DLG2: variants seen among roughly 807,000 people sequenced by gnomAD.
DLG2 encodes discs large MAGUK scaffold protein 2.
DLG2 carries 45 observed loss-of-function variants against 132.5 expected under a neutral mutation model. That is an observed-to-expected ratio of 0.34 (90% CI 0.27 to 0.44). The LOEUF (loss-of-function observed/expected upper bound fraction) is 0.44. DLG2 is among the 20% of genes least tolerant of loss of function. The pLI, the probability that DLG2 is intolerant of heterozygous loss-of-function variation, is 1.00. For missense variants in DLG2, 1,045 were observed against 1,196.9 expected (o/e 0.87, Z 1.87); for synonymous variants, 424 against 419.6 (o/e 1.01, Z -0.13).
intron 2 of DLG2, among the ~76,000 whole-genome samples, chr11:85,617,231 G>A (rs1398321151): frequency 6.6e-6 from 1 of 152,156 alleles, no homozygotes. Context: ...CCATGTCACT[G>A]CTATCGATGA....
At chr11:84,187,482 C>T (rs554147363) in intron 8 of DLG2, among the ~76,000 whole-genome samples, 1 of 152,148 alleles carries the variant, frequency 6.6e-6, no homozygotes, top group African/African-American at 2.4e-5. Context: ...TCCCCCTTTT[C>T]TGAGTTAGAA....
At chr11:84,733,249 A>T (rs1401314698) in intron 6 of DLG2, among the ~76,000 whole-genome samples, 4 of 152,014 alleles carry the variant, frequency 2.6e-5, no homozygotes, top group African/African-American at 4.8e-5. Context: ...TAGTTTACAG[A>T]CCCACCAACA....
chr11:83,624,307 G>T (rs1305362931), intron 19 of DLG2, among the ~76,000 whole-genome samples: 1 of 152,102 alleles, frequency 6.6e-6, no homozygotes, highest in African/African-American at 2.4e-5. Flanking sequence ...TCTTCCTACA[G>T]AAATATAAAA....
At chr11:85,462,708 G>A (rs747914064) in intron 3 of DLG2, among the ~76,000 whole-genome samples, 1 of 151,952 alleles carries the variant, frequency 6.6e-6, no homozygotes, top group Admixed American at 6.6e-5. Flanking sequence ...GTTAAATGAC[G>A]AGTTGATGGG....
At chr11:85,558,484 T>A (rs1376382140) in intron 3 of DLG2, among the ~76,000 whole-genome samples, 1 of 151,874 alleles carries the variant, frequency 6.6e-6, no homozygotes, top group Non-Finnish European at 1.5e-5. Flanking sequence ...AAAAGATACC[T>A]GCACTCACAT....
At chr11:83,784,675 G>A (rs944694657) in intron 18 of DLG2, among the ~76,000 whole-genome samples, 1 of 152,066 alleles carries the variant, frequency 6.6e-6, no homozygotes, top group Non-Finnish European at 1.5e-5. Context: ...ATGTAAGGAA[G>A]CTCCAGTAGA....
intron 16 of DLG2, among the ~76,000 whole-genome samples, chr11:83,863,846 G>C (rs1198472459): frequency 6.6e-6 from 1 of 152,110 alleles, no homozygotes; most frequent in African/African-American, 2.4e-5. Flanking sequence ...GCTATACCAA[G>C]GAGAGAGACT....
intron 18 of DLG2, among the ~76,000 whole-genome samples, chr11:83,757,841 G>A (rs576214797): frequency 6.6e-6 from 1 of 151,940 alleles, no homozygotes; most frequent in African/African-American, 2.4e-5. Flanking sequence ...TCCTACTTTT[G>A]TATTTCCCTT....
At chr11:83,489,963 A>AACTT (rs766186069) in intron 21 of DLG2, among the ~76,000 whole-genome samples, 11 of 151,954 alleles carry the variant, frequency 7.2e-5, no homozygotes, top group Non-Finnish European at 1.2e-4. Context: ...ATGAGATATA[A>AACTT]ACTTAGGATT....
intron 7 of DLG2, among the ~76,000 whole-genome samples, chr11:84,306,226 G>A (rs2098216342): frequency 6.6e-6 from 1 of 151,894 alleles, no homozygotes; most frequent in Admixed American, 6.6e-5. Flanking sequence ...ATGTATACAT[G>A]CATTGAAACA....
intron 7 of DLG2, 124 bp from the exon 8 acceptor site, chr11:84,251,415 T>C (rs934174454): frequency 1.2e-5 from 8 of 646,082 alleles, no homozygotes; most frequent in Middle Eastern, 2.6e-4. Flanking sequence ...AGGCACCGTG[T>C]CAAGTGTTAG....
chr11:83,783,538 A>C (rs2094921708), intron 18 of DLG2, among the ~76,000 whole-genome samples: 1 of 152,168 alleles, frequency 6.6e-6, no homozygotes, highest in African/African-American at 2.4e-5. Flanking sequence ...TTCAACCTTT[A>C]ATTACCTTCA....
chr11:85,591,929 A>G (rs777425276), intron 3 of DLG2, among the ~76,000 whole-genome samples: 6 of 152,186 alleles, frequency 3.9e-5, no homozygotes, highest in Non-Finnish European at 8.8e-5. Context: ...TAATGTGTAA[A>G]TGGATGGTGA....
At chr11:84,036,296 C>T (rs896826443) in intron 11 of DLG2, among the ~76,000 whole-genome samples, 4 of 152,044 alleles carry the variant, frequency 2.6e-5, no homozygotes, top group Non-Finnish European at 5.9e-5. Context: ...CTTGGGAGCA[C>T]ATTATTGGAA....
chr11:84,962,995 T>C (rs192962786), intron 6 of DLG2, among the ~76,000 whole-genome samples: 15 of 152,318 alleles, frequency 9.8e-5, no homozygotes, highest in African/African-American at 3.6e-4. Context: ...CATTATCTCT[T>C]ATCCCTTACC....
chr11:84,413,377 A>G (rs1028921247), intron 7 of DLG2, among the ~76,000 whole-genome samples: 1 of 152,214 alleles, frequency 6.6e-6, no homozygotes, highest in Non-Finnish European at 1.5e-5. Context: ...CTTCCCAAGG[A>G]AAGAGGAGGC....
chr11:83,881,939 A>G (rs894494249), intron 15 of DLG2, among the ~76,000 whole-genome samples: 3 of 152,218 alleles, frequency 2.0e-5, no homozygotes, highest in Non-Finnish European at 4.4e-5. Context: ...ATAGTTAAAA[A>G]TATTGCTGTC....
intron 3 of DLG2, chr11:85,469,336 A>G (rs2092910537): frequency 6.6e-6 from 1 of 152,192 alleles, no homozygotes; most frequent in East Asian, 1.9e-4. Context: ...CAGATATCAG[A>G]CTTTCTGCTA....
chr11:83,486,769 T>C (rs1159420755), intron 21 of DLG2, among the ~76,000 whole-genome samples: 1 of 152,072 alleles, frequency 6.6e-6, no homozygotes, highest in African/African-American at 2.4e-5. Context: ...AATGGAAGTA[T>C]TGGTGGTTAC....
Sources: gnomAD v4.1 joint callset for allele counts (sites outside exome capture counted in the v4.1 genomes callset) on GRCh38, gnomAD v4.1.1 for gene constraint, MANE v1.5 for transcripts, NCBI Gene and HGNC (gene_info 2026-07-23, HGNC 2026-07-21) for gene names.